Variants in WFDC8 observed in about 807,000 individuals in gnomAD.
WFDC8 encodes WAP four-disulfide core domain protein 8.
Under a neutral mutation model 27.0 loss-of-function variants are expected in WFDC8, and 24 were observed. The ratio of observed to expected loss-of-function variants is 0.89; its 90% CI spans 0.64 to 1.25. WFDC8 has a LOEUF of 1.25. Ranked by LOEUF, WFDC8 falls within the 50% of genes most tolerant of loss-of-function variation. The pLI is 0.00. For synonymous variants in WFDC8, 106 were observed against 99.7 expected (o/e 1.06, Z -0.38); for missense variants, 287 against 295.9 (o/e 0.97, Z 0.22).
At position 45,553,130 on chromosome 20, in the gene WFDC8, C is replaced by T; in HGVS notation, c.586+6G>A. 2 of 1,610,614 alleles carry T rather than the reference C, an allele frequency of 1.2e-6. No individual in the cohort carries two copies. The highest frequency in any genetic ancestry group is 1.7e-6 in the Non-Finnish European group (2 of 1,178,596). ...TAGATTTGGGAGGTATATCCCCAAT[C>T]CTTACCTGTCCAGGCCCTGGCACAA... On this transcript the variant is annotated splice_donor_region_variant and intron_variant, in intron 5 of 5. Transcript: ENST00000289953.
chr20:45,564,414 G>C (rs574642078), intron 1 of WFDC8, among the ~76,000 whole-genome samples: 1 of 152,302 alleles, frequency 6.6e-6, no homozygotes, highest in African/African-American at 2.4e-5. Flanking sequence ...GCTCACGCCT[G>C]TAATCCCAGC....
Position 45,562,213 on chromosome 20 carries a change from A to G in WFDC8, c.33T>C (p.Phe11=). 1 of 1,613,988 alleles carries G rather than the reference A, an allele frequency of 6.2e-7. No individual in the cohort carries two copies. The change falls in exon 2 of 6, where the codon TTT becomes TTC. Residue 11 remains phenylalanine, a synonymous_variant. Transcript: ENST00000289953. ...AGGAGAAGGTGGGGCTATGGAGAGG[A>G]AAGTGCCTGTATGGATGAGAAGAGA... MWTVRTEGGH[F]PLHSPTFSWR...
chr20:45,565,038 AGAAAG>A (rs1393291270), intron 1 of WFDC8, among the ~76,000 whole-genome samples: 5 of 124,724 alleles, frequency 4.0e-5, no homozygotes, highest in Non-Finnish European at 3.7e-5. Context: ...GGAAGGAAGA[AGAAAG>A]GAAGGAAGGA....
intron 3 of WFDC8, among the ~76,000 whole-genome samples, chr20:45,557,340 C>T (rs1205789763): frequency 6.6e-6 from 1 of 152,170 alleles, no homozygotes; most frequent in Admixed American, 6.5e-5. Flanking sequence ...TATGCTACAG[C>T]AATAAACGAA....
intron 1 of WFDC8, 70 bp downstream of exon 1, chr20:45,579,151 GT>G: frequency 6.7e-7 from 1 of 1,493,698 alleles, no homozygotes; most frequent in African/African-American, 1.4e-5. Context: ...TAACTTCTAT[GT>G]ATCCTCCTCA....
rs971811036 is a variant in WFDC8 at position 45,578,274 on chromosome 20, G to A, written c.26+948C>T. Among the ~76,000 whole-genome samples, 6 of 151,212 alleles carry A rather than the reference G, an allele frequency of 4.0e-5. 1 individual carries two copies. Among genetic ancestry groups the A allele is most frequent in the African/African-American group, 1.2e-4 (5 of 41,324 alleles). On this transcript the variant is annotated intron_variant, in intron 1 of 5. Coordinates refer to ENST00000289953, the MANE Select transcript of WFDC8 (RefSeq NM_130896.3). ...GCAATGGCTCAGTATTTGCTAATCC[G>A]GTGTTCACAGTGACTTTACAGAACA...
At position 45,552,172 on chromosome 20, in the gene WFDC8, G is replaced by T; in HGVS notation, c.587-7C>A. ...GGGCAGAAACCTTTTTTGACTTTAT[G>T]GGGTAAAAGAAAACACTTGACCTTG... On this transcript the variant is annotated splice_region_variant and splice_polypyrimidine_tract_variant and intron_variant, in intron 5 of 5. Transcript: ENST00000289953. 6.2e-7 allele frequency: 1 copy of T among 1,611,826 alleles called. No homozygotes were observed. Among genetic ancestry groups the T allele is most frequent in the Non-Finnish European group, 8.5e-7 (1 of 1,179,320 alleles).
intron 1 of WFDC8, among the ~76,000 whole-genome samples, chr20:45,575,518 T>G (rs6032342): frequency 0.019 from 2,796 of 149,782 alleles, 101 homozygotes; most frequent in African/African-American, 0.06. Flanking sequence ...GGAGAAGACA[T>G]AAATAAATGA....
chr20:45,561,738 G>A (rs1346940430), intron 2 of WFDC8, among the ~76,000 whole-genome samples: 1 of 79,512 alleles, frequency 1.3e-5, no homozygotes, highest in Non-Finnish European at 3.0e-5. Context: ...AATTAAACTT[G>A]CGTGTGTGTG....
rs1980048175 is a variant in WFDC8, at chr20:45,551,944, T to C, written c.*82A>G. 9 of 1,524,372 alleles carry C rather than the reference T, an allele frequency of 5.9e-6. No homozygotes were observed. Among genetic ancestry groups the C allele is most frequent in the Non-Finnish European group, 8.0e-6 (9 of 1,121,326 alleles). 94.4% of individuals were successfully genotyped at this position (1,524,372 alleles called of 1,614,324 possible). A position where few individuals can be genotyped will look rare whatever the true frequency, so the allele number is the denominator to read the frequency against. ...GTGATACTTAAGATAATTTGGCAAG[T>C]TGGATACAAGACAAAACTGACAGCT... On this transcript the variant is annotated 3_prime_UTR_variant, in exon 6 of 6. Transcript: ENST00000289953.
At chr20:45,552,217 G>T (rs1004455563) in intron 5 of WFDC8, 52 bp from the exon 6 acceptor site, 3 of 1,599,300 alleles carry the variant, frequency 1.9e-6, no homozygotes, top group Middle Eastern at 3.4e-4. Flanking sequence ...GTCATAATTT[G>T]AGACAAATTT....
chr20:45,555,714 G>A lies in WFDC8; in HGVS notation c.432C>T (p.Ala144=), dbSNP rs756175337. ...TAGAGGTCTCACCAATTAACATGCA[G>A]GCCGTTCTGCAGGCATCCTCATTTA... is the stretch of plus-strand genomic sequence containing the variant. ...NFLNEDACRT[A]CMLIVKDGQC... is the part of the protein sequence containing the mutation. Residue 144 remains alanine (A), a synonymous_variant, in exon 4 of 6, where the codon GCC becomes GCT. Coordinates refer to ENST00000289953, the MANE Select transcript of WFDC8 (RefSeq NM_130896.3). The A allele has an allele frequency of 1.9e-6, 3 of 1,612,388 alleles. No homozygotes were observed. Among genetic ancestry groups the A allele is most frequent in the Non-Finnish European group, 2.5e-6 (3 of 1,179,988 alleles).
intron 2 of WFDC8, among the ~76,000 whole-genome samples, chr20:45,561,770 G>A (rs1268802004): frequency 7.1e-6 from 1 of 140,712 alleles, no homozygotes; most frequent in South Asian, 2.2e-4. Context: ...GTGTGTGTGT[G>A]TGTGTACAGT....
chr20:45,560,669 TA>T (rs930643637), intron 2 of WFDC8, among the ~76,000 whole-genome samples: 50 of 152,320 alleles, frequency 3.3e-4, no homozygotes, highest in African/African-American at 1.1e-3. Flanking sequence ...TACAATGCAT[TA>T]GGGGCAAGTC....
At chr20:45,564,632 G>A (rs558851513) in intron 1 of WFDC8, among the ~76,000 whole-genome samples, 4 of 148,846 alleles carry the variant, frequency 2.7e-5, no homozygotes, top group African/African-American at 5.0e-5. Flanking sequence ...CGAGATCGCC[G>A]CCACTGCACT....
chr20:45,563,881 G>A (rs531927214), intron 1 of WFDC8, among the ~76,000 whole-genome samples: 1 of 152,100 alleles, frequency 6.6e-6, no homozygotes, highest in African/African-American at 2.4e-5. Context: ...AGATCTCGTG[G>A]GATGGAGGCA....
intron 1 of WFDC8, among the ~76,000 whole-genome samples, chr20:45,565,002 G>A (rs1277057475): frequency 9.2e-4 from 89 of 96,682 alleles, no homozygotes; most frequent in Non-Finnish European, 1.4e-3. Flanking sequence ...GGAAAGGAAA[G>A]GAAGAAAGAA....
Position 45,576,295 on chromosome 20 carries a change from T to C in WFDC8, c.26+2927A>G, listed in dbSNP as rs147401900. On this transcript the variant is annotated intron_variant, in intron 1 of 5. Transcript: ENST00000289953. ...CAATGTTTGCTTTAATATATCCTGATTTGATTGGTTTAGGTAAATACAAAT... is the reference window on the plus strand; with the variant it reads ...CAATGTTTGCTTTAATATATCCTGACTTGATTGGTTTAGGTAAATACAAAT... Among the ~76,000 whole-genome samples the C allele has an allele frequency of 4.4e-4, 66 of 151,590 alleles. 3 individuals are homozygous for C. The highest frequency in any genetic ancestry group is 3.8e-3 in the Admixed American group (58 of 15,202).
chr20:45,565,229 A>T (rs1249452758), intron 1 of WFDC8, among the ~76,000 whole-genome samples: 1 of 152,156 alleles, frequency 6.6e-6, no homozygotes, highest in East Asian at 1.9e-4. Flanking sequence ...TCACTGTGTC[A>T]ACTTGGGCTA....
Sources: allele counts gnomAD v4.1 joint callset (sites outside exome capture counted in the v4.1 genomes callset), GRCh38; gene constraint gnomAD v4.1.1; transcripts MANE v1.5; gene names NCBI Gene and HGNC (gene_info 2026-07-23, HGNC 2026-07-21).